The following KIFAP3 variants were observed in gnomAD, a reference collection of about 807,000 sequenced individuals.
KIFAP3 encodes the protein kinesin-associated protein 3.
A neutral mutation model predicts 106.5 loss-of-function variants in KIFAP3; 68 were observed. That is an observed-to-expected ratio of 0.64 (90% CI 0.53 to 0.78). The LOEUF is 0.78. Among genes scored for constraint, KIFAP3 ranks in the 30% least tolerant of loss-of-function variants. KIFAP3 has a pLI of 0.00. For missense variants in KIFAP3, 780 were observed against 941.8 expected (o/e 0.83, Z 2.25); for synonymous variants, 320 against 311.5 (o/e 1.03, Z -0.29).
chr1:170,035,586 T>A, intron 5 of KIFAP3, 33 bp from the exon 6 acceptor site: 1 of 1,336,420 alleles, frequency 7.5e-7, no homozygotes, highest in Non-Finnish European at 1.1e-6. Context: ...GAAACGATCA[T>A]TCTCCTTGCT....
At chr1:170,045,933 T>C (rs958625201) in intron 3 of KIFAP3, among the ~76,000 whole-genome samples, 1 of 152,130 alleles carries the variant, frequency 6.6e-6, no homozygotes, top group Admixed American at 6.6e-5. Context: ...TTAAGGATCA[T>C]TGAAAATGTT....
intron 8 of KIFAP3, among the ~76,000 whole-genome samples, chr1:170,026,415 A>ACAG (rs908081962): frequency 3.9e-5 from 6 of 152,342 alleles, no homozygotes; most frequent in African/African-American, 1.4e-4. Flanking sequence ...ACAATGAAGG[A>ACAG]CAGTAATCCC....
At position 169,961,255 on chromosome 1, in the gene KIFAP3, A is replaced by G. The variant is rs747761576; in HGVS notation, c.1984-20T>C. On this transcript the variant is annotated intron_variant, in intron 17 of 19. Transcript: ENST00000361580. ...ATATTCCTATTGAAAACAAACAGTC[A>G]ACTGTTATTATATAAGCTAACTCAC... 12 of 1,587,420 alleles carry G rather than the reference A, an allele frequency of 7.6e-6. 1 individual carries two copies. In the South Asian group the frequency reaches 1.2e-4, roughly 16 times the overall value.
chr1:170,027,300 A>G (rs1457834425), intron 8 of KIFAP3, among the ~76,000 whole-genome samples: 1 of 152,082 alleles, frequency 6.6e-6, no homozygotes, highest in East Asian at 1.9e-4. Context: ...GATTACAGGC[A>G]TGAACCACCG....
At chr1:169,922,926 C>T (rs1571496177) in intron 19 of KIFAP3, 1 of 189,584 alleles carries the variant, frequency 5.3e-6, no homozygotes, top group East Asian at 1.9e-4. Flanking sequence ...AGTTGACACA[C>T]TTTAGAAGTA....
At chr1:170,038,505 A>T in intron 4 of KIFAP3, 74 bp from the exon 5 acceptor site, 3 of 1,418,408 alleles carry the variant, frequency 2.1e-6, no homozygotes, top group Non-Finnish European at 2.9e-6. Flanking sequence ...TTATTTTGTG[A>T]TCAATATACT....
chr1:170,026,536 C>A (rs1464061706), intron 8 of KIFAP3, among the ~76,000 whole-genome samples: 1 of 152,134 alleles, frequency 6.6e-6, no homozygotes, highest in African/African-American at 2.4e-5. Context: ...CTGATAGAAT[C>A]CCTGAGTTAA....
chr1:170,022,237 T>A (rs563812754), intron 9 of KIFAP3, among the ~76,000 whole-genome samples: 1 of 151,984 alleles, frequency 6.6e-6, no homozygotes, highest in African/African-American at 2.4e-5. Context: ...GCATTAGTCA[T>A]CCTGCCCAGC....
At chr1:170,012,311 G>A (rs528157739) in intron 10 of KIFAP3, among the ~76,000 whole-genome samples, 1 of 152,014 alleles carries the variant, frequency 6.6e-6, no homozygotes, top group African/African-American at 2.4e-5. Context: ...CTTGGGCATG[G>A]TAATAATATT....
intron 18 of KIFAP3, among the ~76,000 whole-genome samples, chr1:169,960,077 A>G (rs1160210106): frequency 6.6e-6 from 1 of 152,134 alleles, no homozygotes; most frequent in African/African-American, 2.4e-5. Context: ...AAGAAAACAC[A>G]TGAATGAAAG....
chr1:170,031,937 T>G lies in KIFAP3; in HGVS notation c.790A>C (p.Thr264Pro). Residue 264 changes from threonine to proline, a missense_variant, in exon 8 of 20, where the codon ACC becomes CCC. Around this residue, in one of 3 missense-constraint regions of KIFAP3, gnomAD observed 588 missense variants for 678.9 expected, o/e 0.87. Transcript: ENST00000361580. ...ACAAGCCCCTGGTACTTTTTAAAGG[T>G]TTTTTCATAATCCTTTCTCAAGGTT... is the stretch of plus-strand genomic sequence containing the variant. ...NQTLRKDYEK[T>P]FKKYQGLVVK... The G allele has an allele frequency of 6.2e-7, 1 of 1,610,958 alleles. No homozygotes were observed.
At chr1:169,961,366 C>A (rs1665322433) in intron 17 of KIFAP3, 131 bp from the exon 18 acceptor site, 3 of 612,608 alleles carry the variant, frequency 4.9e-6, no homozygotes, top group Non-Finnish European at 8.6e-6. Context: ...AATACCTGTT[C>A]AGGATTATTT....
chr1:170,000,892 C>A (rs571028910), intron 10 of KIFAP3, among the ~76,000 whole-genome samples: 2 of 152,132 alleles, frequency 1.3e-5, no homozygotes, highest in African/African-American at 2.4e-5. Context: ...ACATTAAGTA[C>A]AACAATAGTT....
Position 169,992,232 on chromosome 1 carries a change from C to A in KIFAP3, c.1207G>T (p.Ala403Ser). The A allele has an allele frequency of 6.3e-7, 1 of 1,577,098 alleles. No homozygotes were observed. The highest frequency in any genetic ancestry group is 1.4e-5 in the African/African-American group (1 of 73,036). Residue 403 changes from alanine (A) to serine (S), a missense_variant, in exon 11 of 20, where the codon GCA becomes TCA. Physicochemically the swap from Ala to Ser is moderately conservative, Grantham distance 99. Coordinates refer to ENST00000361580, the MANE Select transcript of KIFAP3 (RefSeq NM_014970.4). ...LLGNDNYKQI[A>S]MCVLYHISMD... Reference sequence around the variant, plus strand: ...CTTATGTGGTAAAGAACACACATTGCTATTTGTTTGTAGTTGTCATTGCCT... The same window carrying A: ...CTTATGTGGTAAAGAACACACATTGATATTTGTTTGTAGTTGTCATTGCCT...
intron 10 of KIFAP3, among the ~76,000 whole-genome samples, chr1:169,997,821 G>A (rs1019653571): frequency 7.5e-6 from 1 of 133,428 alleles, no homozygotes; most frequent in Non-Finnish European, 1.5e-5. Flanking sequence ...AGTGAGCCGA[G>A]ATCGTACCAC....
intron 3 of KIFAP3, among the ~76,000 whole-genome samples, chr1:170,046,372 G>A (rs560444035): frequency 1.3e-5 from 2 of 151,766 alleles, no homozygotes; most frequent in Admixed American, 6.6e-5. Context: ...GTCTAGTTGG[G>A]GCAGTGAAAA....
Position 170,046,880 on chromosome 1 carries a change from A to C in KIFAP3, c.165-14T>G. 1 of 1,555,642 alleles carries C rather than the reference A, an allele frequency of 6.4e-7. No individual in the cohort carries two copies. Among genetic ancestry groups the C allele is most frequent in the Non-Finnish European group, 8.7e-7 (1 of 1,149,744 alleles). ...TTAAGTCGAATGCTGTAAGTATAAC[A>C]GAATTTTTCAACTCACGTATTATAA... On this transcript the variant is annotated splice_polypyrimidine_tract_variant and intron_variant, in intron 2 of 19. Transcript: ENST00000361580.
At chr1:170,022,643 T>C (rs1668905227) in intron 9 of KIFAP3, among the ~76,000 whole-genome samples, 1 of 152,180 alleles carries the variant, frequency 6.6e-6, no homozygotes, top group African/African-American at 2.4e-5. Flanking sequence ...ATTCTACAGA[T>C]GTCCTTAAAT....
At chr1:169,955,901 A>G (rs976056517) in intron 18 of KIFAP3, among the ~76,000 whole-genome samples, 5 of 152,166 alleles carry the variant, frequency 3.3e-5, no homozygotes, top group Admixed American at 3.3e-4. Flanking sequence ...GAAATCATGG[A>G]AAATGACAAG....
Sources: allele counts gnomAD v4.1 joint callset (sites outside exome capture counted in the v4.1 genomes callset), GRCh38; gene constraint gnomAD v4.1.1; regional missense constraint gnomAD v4.1.1; transcripts MANE v1.5; gene names NCBI Gene and HGNC (gene_info 2026-07-23, HGNC 2026-07-21).